Variants in PGS1 observed in about 807,000 individuals in gnomAD.
The protein encoded by PGS1 is phosphatidylglycerophosphate synthase 1, also known as CDP-diacylglycerol--glycerol-3-phosphate 3-phosphatidyltransferase, mitochondrial.
PGS1 carries 44 observed loss-of-function variants against 58.3 expected under a neutral mutation model. The ratio of observed to expected loss-of-function variants is 0.75; its 90% confidence interval spans 0.59 to 0.97. The LOEUF (loss-of-function observed/expected upper bound fraction) is 0.97, where lower values mean the gene tolerates loss of function less well. Among genes scored for constraint, PGS1 ranks in the 50% least tolerant of loss-of-function variants. The probability of loss-of-function intolerance (pLI) is 0.00; values close to 1 mark genes in which losing one functional copy is unlikely to be tolerated. For missense variants in PGS1, 684 were observed against 731.1 expected, an observed-to-expected ratio of 0.94 and a Z score of 0.74; for synonymous variants, 330 against 311.0, an observed-to-expected ratio of 1.06 and a Z score of -0.64.
chr17:78,422,668 T>C (rs1213102112), intron 9 of PGS1, among the ~76,000 whole-genome samples: 4 of 152,214 alleles, frequency 2.6e-5, no homozygotes, highest in East Asian at 3.9e-4. Flanking sequence ...AGCTAATTTT[T>C]TGTATTTTTG....
At chr17:78,416,104 T>A (rs889149896) in intron 8 of PGS1, among the ~76,000 whole-genome samples, 1 of 152,170 alleles carries the variant, frequency 6.6e-6, no homozygotes, top group African/African-American at 2.4e-5. Context: ...GACTGATTGA[T>A]TGGGGCCTTG....
At chr17:78,390,478 C>T (rs1247162220) in intron 1 of PGS1, among the ~76,000 whole-genome samples, 1 of 152,156 alleles carries the variant, frequency 6.6e-6, no homozygotes, top group Non-Finnish European at 1.5e-5. Flanking sequence ...CTGGGAAGTG[C>T]AGCTGTGGGC....
chr17:78,398,741 AT>A (rs2083432801), intron 4 of PGS1, among the ~76,000 whole-genome samples: 1 of 152,094 alleles, frequency 6.6e-6, no homozygotes, highest in African/African-American at 2.4e-5. Flanking sequence ...GTGGCTTGTG[AT>A]TTGGGGTTTG....
Position 78,398,345 on chromosome 17 carries a change from T to C in PGS1, c.505T>C (p.Ser169Pro). The C allele has an allele frequency of 6.2e-7, 1 of 1,612,274 alleles. No homozygotes were observed. Among genetic ancestry groups the C allele is most frequent in the Non-Finnish European group, 8.5e-7 (1 of 1,178,400 alleles). ...CATTCTCTTAGACTTCACGCGGGGC[T>C]CACGAGGTAGGTGGCATGCAAGCCT... The part of the protein sequence containing the change: ...VSILLDFTRG[S>P]RGRKNSRTML... The change falls in exon 4 of 10, where the codon TCA (serine) becomes CCA (proline). Residue 169 changes from serine (S) to proline (P), a missense_variant. By Grantham distance (74) the Ser-to-Pro change is moderately conservative (BLOSUM62 -1). Coordinates refer to ENST00000262764, the MANE Select transcript of PGS1 (RefSeq NM_024419.5).
intron 7 of PGS1, among the ~76,000 whole-genome samples, chr17:78,406,529 G>A (rs1270297790): frequency 6.6e-6 from 1 of 152,242 alleles, no homozygotes; most frequent in Non-Finnish European, 1.5e-5. Flanking sequence ...GCCTGTCTAG[G>A]CAGGTGGCAT....
Position 78,414,922 on chromosome 17 carries a change from G to A in PGS1, c.1446G>A (p.Thr482=), listed in dbSNP as rs1292851396. Residue 482 remains threonine (T), a synonymous_variant, in exon 8 of 10, where the codon ACG becomes ACA. Transcript: ENST00000262764. Reference sequence around the variant, plus strand: ...CAGGGAGCAGCCTGCCCTGTCTCACGCTGATTGGCTCTCCTAATTTTGGGT... The same window carrying A: ...CAGGGAGCAGCCTGCCCTGTCTCACACTGATTGGCTCTCCTAATTTTGGGT... ...YLAGSSLPCL[T]LIGSPNFGYR... 8 of 1,614,036 alleles carry A rather than the reference G, an allele frequency of 5.0e-6. No homozygotes were observed. Among genetic ancestry groups the A allele is most frequent in the East Asian group, 2.2e-5 (1 of 44,900 alleles).
At chr17:78,423,396 G>A (rs1395765489) in intron 9 of PGS1, among the ~76,000 whole-genome samples, 1 of 152,156 alleles carries the variant, frequency 6.6e-6, no homozygotes, top group Non-Finnish European at 1.5e-5. Context: ...GTTTTTGGGA[G>A]CAGGGAGTAA....
chr17:78,423,328 T>C (rs2086109961), intron 9 of PGS1, among the ~76,000 whole-genome samples: 1 of 152,158 alleles, frequency 6.6e-6, no homozygotes, highest in African/African-American at 2.4e-5. Flanking sequence ...CGGCTTGTTC[T>C]TCTAGACTCT....
intron 1 of PGS1, among the ~76,000 whole-genome samples, chr17:78,388,520 A>AT (rs2082573267): frequency 6.7e-6 from 1 of 149,460 alleles, no homozygotes. Flanking sequence ...TTTATTTTTT[A>AT]TTTTTTGTAG....
At chr17:78,387,324 G>C (rs2082473621) in intron 1 of PGS1, among the ~76,000 whole-genome samples, 1 of 148,558 alleles carries the variant, frequency 6.7e-6, no homozygotes, top group Non-Finnish European at 1.5e-5. Flanking sequence ...TTGAGACGGA[G>C]TTTTTCCTCT....
chr17:78,420,055 G>A (rs1403049059), intron 9 of PGS1: 4 of 1,082,724 alleles, frequency 3.7e-6, no homozygotes, highest in Non-Finnish European at 4.5e-6. Context: ...CACTGGTGCA[G>A]GAGATGTAGA....
At chr17:78,406,661 G>A (rs967039770) in intron 7 of PGS1, among the ~76,000 whole-genome samples, 89 of 152,366 alleles carry the variant, frequency 5.8e-4, no homozygotes, top group Middle Eastern at 3.4e-3. Flanking sequence ...GGCGGGTGTG[G>A]AAAGTATTTT....
At chr17:78,380,848 TTTTC>T (rs2146034535) in intron 1 of PGS1, 2 of 152,232 alleles carry the variant, frequency 1.3e-5, no homozygotes, top group Middle Eastern at 3.4e-3. Flanking sequence ...TTCTTTTTCT[TTTTC>T]TTTTTTTTTT....
Position 78,419,604 on chromosome 17 carries a change from C to T in PGS1, c.1610C>T (p.Pro537Leu), listed in dbSNP as rs368547832. 62 of 1,614,060 alleles carry T rather than the reference C, an allele frequency of 3.8e-5. No individual in the cohort carries two copies. Among genetic ancestry groups the T allele is most frequent in the Admixed American group, 5.0e-5 (3 of 60,012 alleles). ...GVVSSATFEQ[P>L]SRQVKLWVKM... The stretch of plus-strand genomic sequence containing the variant: ...GTGTCCTCTGCCACCTTCGAGCAGC[C>T]GAGTCGCCAGGTGAAGCTGTGGGTG... Residue 537 changes from proline (P) to leucine (L), a missense_variant, in exon 9 of 10, where the codon CCG becomes CTG. Physicochemically the swap from Pro to Leu is moderately conservative, Grantham distance 98. Transcript: ENST00000262764.
intron 9 of PGS1, chr17:78,423,837 C>T: frequency 6.3e-7 from 1 of 1,576,402 alleles, no homozygotes; most frequent in Non-Finnish European, 8.7e-7. Context: ...GAATAAGTCA[C>T]AGGTGCACAG....
chr17:78,400,830 G>A lies in PGS1; in HGVS notation c.855G>A (p.Val285=), dbSNP rs1433693072. ...QLQGDDTVQV[V]DGMVHPYKGD... is the part of the protein sequence containing the mutation. ...AGGGGGACGACACGGTGCAGGTGGT[G>A]GATGGGATGGTGCATCCTTACAAAG... The change falls in exon 6 of 10, where the codon GTG becomes GTA. Residue 285 remains valine, a synonymous_variant. Coordinates refer to ENST00000262764, the MANE Select transcript of PGS1 (RefSeq NM_024419.5). The surrounding 1 kb of genome is among the most constrained non-coding windows in gnomAD (Gnocchi z 4.4). 2 of 1,609,606 alleles carry A rather than the reference G, an allele frequency of 1.2e-6. No homozygotes were observed. The highest frequency in any genetic ancestry group is 1.7e-4 in the Middle Eastern group (1 of 6,034).
At chr17:78,405,704 A>G (rs552103274) in intron 7 of PGS1, among the ~76,000 whole-genome samples, 209 of 152,314 alleles carry the variant, frequency 1.4e-3, no homozygotes, top group African/African-American at 4.2e-3. Flanking sequence ...GGGACCCCCA[A>G]TCCTGGAGCT....
Position 78,399,437 on chromosome 17 carries a change from C to T in PGS1, c.601C>T (p.Arg201Cys), listed in dbSNP as rs769637851. 33 of 1,614,056 alleles carry T rather than the reference C, an allele frequency of 2.0e-5. No individual in the cohort carries two copies. The East Asian group carries it at 5.8e-4, about 28-fold the overall frequency. The change falls in exon 5 of 10, where the codon CGT (arginine) becomes TGT (cysteine). Residue 201 changes from arginine (R) to cysteine (C), a missense_variant. Transcript: ENST00000262764. ...RVSLFHTPHL[R>C]GLLRLLIPER... ...CTCCCTCTTTCACACGCCGCACCTC[C>T]GTGGGCTGCTTCGGCTCCTCATCCC...
At chr17:78,395,362 G>T (rs553745856) in intron 2 of PGS1, among the ~76,000 whole-genome samples, 1 of 151,980 alleles carries the variant, frequency 6.6e-6, no homozygotes, top group Non-Finnish European at 1.5e-5. Context: ...TTTTTTCCTT[G>T]TCCGGAAGCC....
Sources: allele counts gnomAD v4.1 joint callset (sites outside exome capture counted in the v4.1 genomes callset), GRCh38; gene constraint gnomAD v4.1.1; non-coding constraint Gnocchi (gnomAD v3.1); transcripts MANE v1.5; gene names NCBI Gene and HGNC (gene_info 2026-07-23, HGNC 2026-07-21).